The following CUL4A variants were observed in gnomAD, a reference collection of about 807,000 sequenced individuals.
The protein encoded by CUL4A is cullin 4A, also known as cullin-4A.
In CUL4A, 16 loss-of-function variants were observed where a neutral mutation model predicts 95.5. The ratio of observed to expected loss-of-function variants is 0.17; its 90% CI spans 0.11 to 0.25. The LOEUF is 0.25. CUL4A is among the 10% of genes least tolerant of loss of function. CUL4A has a pLI of 1.00. For missense variants in CUL4A, 610 were observed against 937.0 expected (o/e 0.65, Z 4.56); for synonymous variants, 380 against 353.1 (o/e 1.08, Z -0.85).
At chr13:113,225,114 GCT>G (rs2041053890) in intron 3 of CUL4A, among the ~76,000 whole-genome samples, 1 of 151,872 alleles carries the variant, frequency 6.6e-6, no homozygotes, top group Non-Finnish European at 1.5e-5. Context: ...GATTTTGTTT[GCT>G]GTTTGAAGAC....
intron 18 of CUL4A, among the ~76,000 whole-genome samples, chr13:113,260,069 T>G (rs907902424): frequency 1.4e-5 from 2 of 146,774 alleles, no homozygotes; most frequent in East Asian, 2.1e-4. Flanking sequence ...CCGGGCATGG[T>G]GGGGGGGCAC....
At chr13:113,212,295 GT>G (rs142864506) in intron 2 of CUL4A, among the ~76,000 whole-genome samples, 2,406 of 152,202 alleles carry the variant, frequency 0.016, 58 homozygotes, top group African/African-American at 0.054. Context: ...AAGAGTAATT[GT>G]TTTAAGTTTT....
chr13:113,260,854 C>A, intron 19 of CUL4A, 95 bp downstream of exon 19: 1 of 964,012 alleles, frequency 1.0e-6, no homozygotes, highest in Non-Finnish European at 1.5e-6. Flanking sequence ...ATTTGACCTG[C>A]ATTATTCATG....
At chr13:113,208,626 G>T (rs1566998853), upstream of CUL4A, 1 of 1,607,736 alleles carries the variant, frequency 6.2e-7, no homozygotes, top group African/African-American at 1.3e-5. Context: ...TAATGGTAAT[G>T]TGCGCCATGG....
At chr13:113,235,011 T>C in intron 7 of CUL4A, 52 bp from the exon 8 acceptor site, 1 of 1,288,286 alleles carries the variant, frequency 7.8e-7, no homozygotes. Context: ...ATTTCTTGGA[T>C]AGTGTCGACA....
chr13:113,225,838 C>T (rs1052837310), intron 3 of CUL4A, among the ~76,000 whole-genome samples: 7 of 152,176 alleles, frequency 4.6e-5, no homozygotes, highest in African/African-American at 7.2e-5. Flanking sequence ...TATAATGAGC[C>T]ATTATAATTT....
At chr13:113,249,507 T>C (rs2041940470) in intron 15 of CUL4A, among the ~76,000 whole-genome samples, 1 of 152,236 alleles carries the variant, frequency 6.6e-6, no homozygotes, top group Non-Finnish European at 1.5e-5. Flanking sequence ...TCACCAAACA[T>C]TGGGCATTTG....
At chr13:113,215,367 AC>A (rs2040617149) in intron 2 of CUL4A, among the ~76,000 whole-genome samples, 1 of 126,156 alleles carries the variant, frequency 7.9e-6, no homozygotes, top group African/African-American at 3.1e-5. Context: ...CATGGAGGTC[AC>A]GTCGCATGTG....
intron 2 of CUL4A, among the ~76,000 whole-genome samples, chr13:113,213,268 G>A: frequency 6.6e-6 from 1 of 152,076 alleles, no homozygotes. Context: ...CATGCCTGTA[G>A]TCCCAGCTAC....
chr13:113,257,742 A>G (rs143792883), intron 18 of CUL4A, among the ~76,000 whole-genome samples: 199 of 152,272 alleles, frequency 1.3e-3, no homozygotes, highest in Middle Eastern at 3.4e-3. Context: ...CCTAAGAGAG[A>G]AATTCCCTTA....
chr13:113,218,527 G>A (rs950497870), intron 2 of CUL4A, among the ~76,000 whole-genome samples: 5 of 152,164 alleles, frequency 3.3e-5, no homozygotes, highest in Non-Finnish European at 5.9e-5. Flanking sequence ...TAATCATCAA[G>A]GTGAACTTAA....
At chr13:113,229,045 G>GTGAA (rs1413223751) in intron 4 of CUL4A, among the ~76,000 whole-genome samples, 3 of 152,076 alleles carry the variant, frequency 2.0e-5, no homozygotes, top group African/African-American at 7.2e-5. Flanking sequence ...GGAGAATGGT[G>GTGAA]TGAACCCAGG....
chr13:113,229,398 T>G (rs1299747755), intron 4 of CUL4A, 48 bp from the exon 5 acceptor site: 1 of 1,526,316 alleles, frequency 6.6e-7, no homozygotes, highest in Non-Finnish European at 9.1e-7. Flanking sequence ...TCTTTCATAT[T>G]TTGCTAGTAG....
chr13:113,258,373 C>T (rs375385764), intron 18 of CUL4A, among the ~76,000 whole-genome samples: 3 of 152,128 alleles, frequency 2.0e-5, no homozygotes, highest in African/African-American at 4.8e-5. Context: ...CGCCTTTGCT[C>T]CCCCAAATAA....
chr13:113,245,809 T>G, intron 14 of CUL4A, 147 bp from the exon 15 acceptor site: 1 of 636,382 alleles, frequency 1.6e-6, no homozygotes. Context: ...AGTGAGGCAT[T>G]GGGTTTCATG....
In CUL4A at chr13:113,229,504, C is replaced by A. The variant is rs1321239940; in HGVS notation, c.497C>A (p.Thr166Lys). The A allele has an allele frequency of 1.2e-6, 2 of 1,613,298 alleles. No individual in the cohort carries two copies. The highest frequency in any genetic ancestry group is 1.7e-4 in the Middle Eastern group (1 of 6,040). Residue 166 changes from threonine to lysine, a missense_variant, in exon 5 of 20, where the codon ACG becomes AAG. Thr to Lys is a moderately conservative substitution (Grantham distance 78, BLOSUM62 -1). Around this residue, in one of 10 missense-constraint regions of CUL4A, gnomAD observed 97 missense variants for 100.3 expected, o/e 0.97. Coordinates refer to ENST00000375440, the MANE Select transcript of CUL4A (RefSeq NM_001008895.4). ...CGCACCTATGTGCTGCAGAACTCCACGCTGCCCTCCATCTGGTGAGTGTCC... is the reference window on the plus strand; with the variant it reads ...CGCACCTATGTGCTGCAGAACTCCAAGCTGCCCTCCATCTGGTGAGTGTCC... ...LDRTYVLQNS[T>K]LPSIWDMGLE...
intron 19 of CUL4A, chr13:113,262,801 G>A (rs1421879870): frequency 6.6e-6 from 1 of 151,674 alleles, no homozygotes; most frequent in African/African-American, 2.4e-5. Flanking sequence ...CCTTGCTGAT[G>A]GCAGATGTCG....
At chr13:113,258,883 G>A (rs1338906153) in intron 18 of CUL4A, among the ~76,000 whole-genome samples, 1 of 152,218 alleles carries the variant, frequency 6.6e-6, no homozygotes, top group East Asian at 1.9e-4. Context: ...GAGCCAGACA[G>A]GCCTGATCAG....
chr13:113,255,236 C>T, intron 18 of CUL4A, 111 bp downstream of exon 18: 2 of 702,958 alleles, frequency 2.8e-6, no homozygotes, highest in South Asian at 2.1e-5. Flanking sequence ...TACAATAATC[C>T]AATTTCACTA....
Sources: gnomAD v4.1 joint callset for allele counts (sites outside exome capture counted in the v4.1 genomes callset) on GRCh38, gnomAD v4.1.1 for gene constraint, gnomAD v4.1.1 regional missense constraint, MANE v1.5 for transcripts, NCBI Gene and HGNC (gene_info 2026-07-23, HGNC 2026-07-21) for gene names.